Variants in TLK1 observed in about 807,000 individuals in gnomAD.
TLK1 encodes the protein tousled like kinase 1.
Under a neutral mutation model 105.3 loss-of-function variants are expected in TLK1, and 24 were observed. The ratio of observed to expected loss-of-function variants is 0.23; its 90% CI spans 0.17 to 0.32. The LOEUF (loss-of-function observed/expected upper bound fraction) is 0.32, where lower values mean the gene tolerates loss of function less well. Ranked by LOEUF, TLK1 falls within the 10% of genes least tolerant of loss-of-function variation. TLK1 has a pLI of 1.00. For synonymous variants in TLK1, 321 were observed against 310.4 expected (o/e 1.03, Z -0.36); for missense variants, 558 against 910.5 (o/e 0.61, Z 4.98).
chr2:171,216,350 C>T (rs974428741), intron 1 of TLK1, among the ~76,000 whole-genome samples: 6 of 152,182 alleles, frequency 3.9e-5, no homozygotes, highest in Admixed American at 2.6e-4. Flanking sequence ...GTGGTGGGCG[C>T]CTGTAGTCCC....
intron 1 of TLK1, among the ~76,000 whole-genome samples, chr2:171,145,302 C>CAA (rs1282400245): frequency 6.6e-6 from 1 of 150,900 alleles, no homozygotes; most frequent in Non-Finnish European, 1.5e-5. Context: ...TACAAACAAA[C>CAA]AAAAAAAGGC....
intron 18 of TLK1, among the ~76,000 whole-genome samples, chr2:171,004,731 G>A (rs1684565335): frequency 6.6e-6 from 1 of 151,988 alleles, no homozygotes; most frequent in Admixed American, 6.6e-5. Flanking sequence ...CTACCAAGAT[G>A]CTTTGTTTTT....
chr2:171,179,642 G>A (rs868223521), intron 1 of TLK1, among the ~76,000 whole-genome samples: 1 of 152,186 alleles, frequency 6.6e-6, no homozygotes, highest in African/African-American at 2.4e-5. Flanking sequence ...TCACAAATAA[G>A]GAGTAAGTAA....
intron 3 of TLK1, among the ~76,000 whole-genome samples, chr2:171,063,017 T>C (rs1259054073): frequency 6.6e-6 from 1 of 152,164 alleles, no homozygotes; most frequent in Non-Finnish European, 1.5e-5. Context: ...AATAAAAATA[T>C]CACTACATTA....
At chr2:171,105,158 AT>A (rs1214170572) in intron 2 of TLK1, among the ~76,000 whole-genome samples, 1 of 152,214 alleles carries the variant, frequency 6.6e-6, no homozygotes, top group Non-Finnish European at 1.5e-5. Flanking sequence ...ACAAACTATT[AT>A]CTCAAACTAA....
intron 2 of TLK1, among the ~76,000 whole-genome samples, chr2:171,098,400 A>G (rs1325729893): frequency 6.6e-6 from 1 of 152,188 alleles, no homozygotes. Flanking sequence ...ACCTCAATAA[A>G]GCTGGGGTAG....
chr2:171,094,625 C>T (rs1346389716), intron 2 of TLK1, among the ~76,000 whole-genome samples: 2 of 151,972 alleles, frequency 1.3e-5, no homozygotes, highest in Non-Finnish European at 2.9e-5. Context: ...TCTTTTTTTC[C>T]GAGACAGAGT....
Position 171,039,132 on chromosome 2 carries a change from T to C in TLK1, c.1169+7042A>G, listed in dbSNP as rs548907731. ...TGATTTAATATAGCTTTCTTTTGGG[T>C]GGTGTTTGCCTGTCTTTTCTAAACT... On this transcript the variant is annotated intron_variant, in intron 11 of 20. Coordinates refer to ENST00000431350, the MANE Select transcript of TLK1 (RefSeq NM_012290.5). Among the ~76,000 whole-genome samples the C allele has an allele frequency of 9.2e-5, 14 of 152,328 alleles. No individual in the cohort carries two copies. In the South Asian group the frequency reaches 2.9e-3, roughly 32 times the overall value.
At chr2:171,029,357 C>G (rs1023951411) in intron 11 of TLK1, among the ~76,000 whole-genome samples, 3 of 152,140 alleles carry the variant, frequency 2.0e-5, no homozygotes, top group African/African-American at 7.2e-5. Flanking sequence ...TGGCCAGGTA[C>G]AGTGGCTCAC....
At chr2:171,105,882 T>C (rs1487995685) in intron 2 of TLK1, among the ~76,000 whole-genome samples, 1 of 152,168 alleles carries the variant, frequency 6.6e-6, no homozygotes, top group Non-Finnish European at 1.5e-5. Flanking sequence ...AGGAAATCAG[T>C]ATGCTGAAGA....
At chr2:170,998,833 A>T (rs1024628441) in intron 18 of TLK1, among the ~76,000 whole-genome samples, 2 of 152,152 alleles carry the variant, frequency 1.3e-5, no homozygotes, top group African/African-American at 2.4e-5. Flanking sequence ...CAGTGGTACG[A>T]TCATAGCTCA....
At chr2:170,999,614 GTAA>G (rs1042067767) in intron 18 of TLK1, among the ~76,000 whole-genome samples, 10 of 152,128 alleles carry the variant, frequency 6.6e-5, no homozygotes, top group African/African-American at 2.4e-4. Context: ...AGGATGAAAG[GTAA>G]TTTATAAGAG....
rs1683778276 is a variant in TLK1, at chr2:170,991,438, TG to T, written c.*2341del. ...AGCCATCTTGGACCTGCTGGGTCACTGGCATGTTATTCAAAATCTATAACAT... is the reference window on the plus strand; with the variant it reads ...AGCCATCTTGGACCTGCTGGGTCACTGCATGTTATTCAAAATCTATAACAT... On this transcript the variant is annotated 3_prime_UTR_variant, in exon 21 of 21. Transcript: ENST00000431350. 2 of 152,250 alleles carry T rather than the reference TG, an allele frequency of 1.3e-5. No individual in the cohort carries two copies. The highest frequency in any genetic ancestry group is 4.8e-5 in the African/African-American group (2 of 41,478). 9.4% of individuals were successfully genotyped at this position (152,250 alleles called of 1,614,324 possible).
At chr2:171,094,755 T>A (rs1253886626) in intron 2 of TLK1, among the ~76,000 whole-genome samples, 1 of 152,092 alleles carries the variant, frequency 6.6e-6, no homozygotes. Flanking sequence ...ATTACAGGCA[T>A]GCGCCACCAT....
intron 11 of TLK1, among the ~76,000 whole-genome samples, chr2:171,035,834 C>G (rs1686302864): frequency 6.6e-6 from 1 of 151,862 alleles, no homozygotes; most frequent in South Asian, 2.1e-4. Flanking sequence ...GGATCATAAA[C>G]CAAAAAATGT....
chr2:171,155,431 C>G (rs1050437088), intron 1 of TLK1, among the ~76,000 whole-genome samples: 39 of 151,220 alleles, frequency 2.6e-4, no homozygotes, highest in African/African-American at 8.9e-4. Context: ...GAAAAATCCT[C>G]AGAGGAAAAG....
intron 9 of TLK1, 44 bp downstream of exon 9, chr2:171,050,020 G>A (rs1384016040): frequency 6.2e-7 from 1 of 1,608,164 alleles, no homozygotes; most frequent in Non-Finnish European, 8.5e-7. Context: ...AAGCAAAAGG[G>A]GCTAATGAAG....
intron 1 of TLK1, among the ~76,000 whole-genome samples, chr2:171,202,661 G>A (rs1018633493): frequency 6.6e-6 from 1 of 152,120 alleles, no homozygotes; most frequent in African/African-American, 2.4e-5. Flanking sequence ...GGAGGCTGAG[G>A]CAGGATAATG....
chr2:171,123,041 AAAAT>A (rs58748428), intron 1 of TLK1, among the ~76,000 whole-genome samples: 19,988 of 134,494 alleles, frequency 0.15, 1,558 homozygotes, highest in East Asian at 0.23. Context: ...CCTATATGAA[AAAAT>A]AAATAAATAA....
Sources: allele counts gnomAD v4.1 joint callset (sites outside exome capture counted in the v4.1 genomes callset), GRCh38; gene constraint gnomAD v4.1.1; transcripts MANE v1.5; gene names NCBI Gene and HGNC (gene_info 2026-07-23, HGNC 2026-07-21).